Variants in AGAP1 observed in about 807,000 individuals in gnomAD.
The protein encoded by AGAP1 is arf-GAP with GTPase, ANK repeat and PH domain-containing protein 1.
AGAP1 carries 29 observed loss-of-function variants against 105.3 expected under a neutral mutation model. The ratio of observed to expected loss-of-function variants is 0.28; its 90% confidence interval spans 0.21 to 0.38. The LOEUF is 0.38. Among genes scored for constraint, AGAP1 ranks in the 10% least tolerant of loss-of-function variants. AGAP1 has a pLI of 1.00. For missense variants in AGAP1, 998 were observed against 1,165.1 expected (o/e 0.86, Z 2.09); for synonymous variants, 509 against 485.9 (o/e 1.05, Z -0.63).
At chr2:235,945,886 G>A (rs1442548881) in intron 12 of AGAP1, among the ~76,000 whole-genome samples, 1 of 149,220 alleles carries the variant, frequency 6.7e-6, no homozygotes, top group East Asian at 2.0e-4. Context: ...ACTTCACATG[G>A]CTGGCGGTGG....
In AGAP1 at chr2:236,038,773, C is replaced by T. The variant is rs1164847642; in HGVS notation, c.1801-1978C>T. On this transcript the variant is annotated intron_variant, in intron 14 of 17. Coordinates refer to ENST00000304032, the MANE Select transcript of AGAP1 (RefSeq NM_001037131.3). The surrounding 1 kb of genome is among the most constrained non-coding windows in gnomAD (Gnocchi z 4.5). ...GACAGACAGACAAACCAACCAACCA[C>T]AGAAATGATACAGGTACACAGAGAG... Among the ~76,000 whole-genome samples, 2 of 151,918 alleles carry T rather than the reference C, an allele frequency of 1.3e-5. No individual in the cohort carries two copies. The highest frequency in any genetic ancestry group is 2.4e-5 in the African/African-American group (1 of 41,306).
At position 235,591,219 on chromosome 2, in the gene AGAP1, T is replaced by C. The variant is rs539745921; in HGVS notation, c.163+96370T>C. Among the ~76,000 whole-genome samples the C allele has an allele frequency of 5.3e-5, 8 of 152,274 alleles. No individual in the cohort carries two copies. The East Asian group carries it at 1.5e-3, about 29-fold the overall frequency. On this transcript the variant is annotated intron_variant, in intron 1 of 17. Transcript: ENST00000304032. ...TTAGTAGAGATGGGGTTTTGCCATG[T>C]TGGCCAGGCTGGTCTTGAACTCCTG...
intron 16 of AGAP1, among the ~76,000 whole-genome samples, chr2:236,094,312 A>G (rs2059137574): frequency 1.3e-5 from 2 of 151,966 alleles, no homozygotes. Flanking sequence ...AAAAATTGCA[A>G]ATACGATGGG....
At chr2:235,995,065 C>CAAAAAAA (rs58097220) in intron 13 of AGAP1, among the ~76,000 whole-genome samples, 7 of 60,962 alleles carry the variant, frequency 1.1e-4, no homozygotes, top group East Asian at 6.5e-4. Context: ...GACTCTGTCT[C>CAAAAAAA]AAAAAAAAAA....
intron 1 of AGAP1, among the ~76,000 whole-genome samples, chr2:235,568,584 T>C (rs561003685): frequency 6.6e-6 from 1 of 152,126 alleles, no homozygotes; most frequent in South Asian, 2.1e-4. Flanking sequence ...TGGAGGAGGA[T>C]GTGGATCGCT....
At chr2:235,745,117 ATATG>A (rs1952825608) in intron 5 of AGAP1, among the ~76,000 whole-genome samples, 1 of 152,106 alleles carries the variant, frequency 6.6e-6, no homozygotes, top group African/African-American at 2.4e-5. Context: ...AAAAAAATAT[ATATG>A]TGTGTGTGTA....
In AGAP1 at chr2:235,889,304, G is replaced by C. The variant is rs1364756212; in HGVS notation, c.1155+5855G>C. Reference sequence around the variant, plus strand: ...AAACTGGGGAAACCTGACATTGCAGGACACCGTGGGGCTGGTGTGAGGCTG... The same window carrying C: ...AAACTGGGGAAACCTGACATTGCAGCACACCGTGGGGCTGGTGTGAGGCTG... On this transcript the variant is annotated intron_variant, in intron 10 of 17. Transcript: ENST00000304032. This position sits in a 1 kb window ranked among gnomAD's most constrained non-coding sequence, Gnocchi z 4.6. Among the ~76,000 whole-genome samples, 1 of 152,182 alleles carries C rather than the reference G, an allele frequency of 6.6e-6. No individual in the cohort carries two copies. Among genetic ancestry groups the C allele is most frequent in the Non-Finnish European group, 1.5e-5 (1 of 68,036 alleles).
At chr2:235,703,585 C>G (rs1165086868) in intron 1 of AGAP1, among the ~76,000 whole-genome samples, 1 of 146,120 alleles carries the variant, frequency 6.8e-6, no homozygotes, top group Admixed American at 6.8e-5. Flanking sequence ...CTTCCCTCCC[C>G]TCCCCCGCCC....
chr2:235,598,906 T>G (rs1321587289), intron 1 of AGAP1, among the ~76,000 whole-genome samples: 1 of 152,212 alleles, frequency 6.6e-6, no homozygotes, highest in Non-Finnish European at 1.5e-5. Context: ...AGTTCTTTAT[T>G]CACTCATCTA....
chr2:235,790,803 A>T (rs909831585), intron 6 of AGAP1, among the ~76,000 whole-genome samples: 3 of 152,182 alleles, frequency 2.0e-5, no homozygotes, highest in African/African-American at 7.2e-5. Flanking sequence ...TAAATACAGC[A>T]TGGCCTCAAG....
chr2:235,547,715 A>T lies in AGAP1; in HGVS notation c.163+52866A>T, dbSNP rs537830211. 6.6e-5 allele frequency among the ~76,000 whole-genome samples: 10 copies of T among 152,102 alleles called. No homozygotes were observed. In the South Asian group the frequency reaches 2.1e-3, roughly 32 times the overall value. On this transcript the variant is annotated intron_variant, in intron 1 of 17. Transcript: ENST00000304032. ...GCCATGTTGGCCAGGCTGGTCTCGA[A>T]CTCCTGACCTCAAATGGTCTGCCCT...
At position 235,970,105 on chromosome 2, in the gene AGAP1, G is replaced by A. The variant is rs976044673; in HGVS notation, c.1645+1482G>A. Among the ~76,000 whole-genome samples, 1 of 151,520 alleles carries A rather than the reference G, an allele frequency of 6.6e-6. No homozygotes were observed. Among genetic ancestry groups the A allele is most frequent in the Non-Finnish European group, 1.5e-5 (1 of 67,962 alleles). ...TAATCCCAGCTACCTGAGAGGCTGA[G>A]GCAGGAGCATTGATTGAACCCAGGA... On this transcript the variant is annotated intron_variant, in intron 13 of 17. Transcript: ENST00000304032. The surrounding 1 kb of genome is among the most constrained non-coding windows in gnomAD (Gnocchi z 5.4).
chr2:235,833,248 A>T (rs866846440), intron 9 of AGAP1, among the ~76,000 whole-genome samples: 1 of 152,214 alleles, frequency 6.6e-6, no homozygotes. Context: ...GCCACGACAG[A>T]GGCTGGCGTA....
At chr2:235,917,719 G>A (rs2051966450) in intron 11 of AGAP1, among the ~76,000 whole-genome samples, 1 of 152,138 alleles carries the variant, frequency 6.6e-6, no homozygotes, top group East Asian at 1.9e-4. Flanking sequence ...AGTGCATTAG[G>A]AACAGTGACA....
intron 1 of AGAP1, chr2:235,671,081 C>A (rs1948392306): frequency 3.2e-6 from 4 of 1,259,356 alleles, no homozygotes; most frequent in Non-Finnish European, 4.0e-6. Flanking sequence ...CCGGGGGTCC[C>A]GGGACGGGAA....
chr2:235,726,455 T>C (rs569717486), intron 3 of AGAP1, among the ~76,000 whole-genome samples: 1 of 152,342 alleles, frequency 6.6e-6, no homozygotes, highest in Non-Finnish European at 1.5e-5. Flanking sequence ...TCATTTTTCC[T>C]AGAGAAATTT....
At chr2:235,640,955 A>G (rs545890992) in intron 1 of AGAP1, among the ~76,000 whole-genome samples, 1 of 152,358 alleles carries the variant, frequency 6.6e-6, no homozygotes, top group East Asian at 1.9e-4. Context: ...TTCCTGCCTA[A>G]TAACAGTGTC....
intron 11 of AGAP1, among the ~76,000 whole-genome samples, chr2:235,918,033 T>C (rs1209776371): frequency 6.6e-6 from 1 of 152,190 alleles, no homozygotes; most frequent in Non-Finnish European, 1.5e-5. Context: ...TTATAATAAC[T>C]CTGGAGTCCG....
intron 4 of AGAP1, among the ~76,000 whole-genome samples, chr2:235,742,786 G>A (rs572512814): frequency 1.3e-5 from 2 of 152,180 alleles, no homozygotes; most frequent in African/African-American, 4.8e-5. Context: ...TAAATGTTTT[G>A]AGTGACTGGA....
Sources: allele counts gnomAD v4.1 joint callset (sites outside exome capture counted in the v4.1 genomes callset), GRCh38; gene constraint gnomAD v4.1.1; non-coding constraint Gnocchi (gnomAD v3.1); transcripts MANE v1.5; gene names NCBI Gene and HGNC (gene_info 2026-07-23, HGNC 2026-07-21).